ADAMTS18: variants seen among roughly 807,000 people sequenced by gnomAD.
ADAMTS18 encodes ADAM metallopeptidase with thrombospondin type 1 motif 18.
ADAMTS18 carries 157 observed loss-of-function variants against 165.9 expected under a neutral mutation model. That is an observed-to-expected ratio of 0.95 (90% CI 0.83 to 1.08). The LOEUF is 1.08. ADAMTS18 is among the 50% of genes least tolerant of loss of function. ADAMTS18 has a pLI of 0.00. For missense variants in ADAMTS18, 2,040 were observed against 1,534.0 expected (o/e 1.33, Z -5.51); for synonymous variants, 782 against 578.2 (o/e 1.35, Z -5.06).
chr16:77,362,675 T>C (rs993915598), intron 6 of ADAMTS18, among the ~76,000 whole-genome samples: 6 of 123,858 alleles, frequency 4.8e-5, no homozygotes, highest in African/African-American at 8.9e-5. Flanking sequence ...TGGCACATCA[T>C]AGATTACAAT....
chr16:77,368,019 G>A (rs1019167685), intron 3 of ADAMTS18, among the ~76,000 whole-genome samples: 3 of 152,126 alleles, frequency 2.0e-5, no homozygotes, highest in African/African-American at 7.2e-5. Context: ...TGAGACTACA[G>A]GCACGTGCTA....
At chr16:77,381,139 G>C (rs2057024275) in intron 3 of ADAMTS18, among the ~76,000 whole-genome samples, 1 of 152,154 alleles carries the variant, frequency 6.6e-6, no homozygotes, top group African/African-American at 2.4e-5. Context: ...CTCCAACAGA[G>C]CTGGGATTAG....
chr16:77,431,895 A>C (rs2057744935), intron 2 of ADAMTS18: 3 of 508,458 alleles, frequency 5.9e-6, no homozygotes, highest in Non-Finnish European at 1.1e-5. Flanking sequence ...GTCTGGAGAG[A>C]GATTTAGAAC....
At chr16:77,385,794 G>A (rs1180543374) in intron 3 of ADAMTS18, among the ~76,000 whole-genome samples, 2 of 152,118 alleles carry the variant, frequency 1.3e-5, no homozygotes, top group Non-Finnish European at 2.9e-5. Flanking sequence ...CACCATGTTG[G>A]AAACAGCTGG....
chr16:77,352,265 T>C (rs1210991564), intron 10 of ADAMTS18, among the ~76,000 whole-genome samples: 1 of 148,524 alleles, frequency 6.7e-6, no homozygotes, highest in African/African-American at 2.5e-5. Flanking sequence ...AGAAAAGCAA[T>C]AAATGAATAA....
At chr16:77,362,862 A>T (rs1006842199) in intron 6 of ADAMTS18, among the ~76,000 whole-genome samples, 2 of 152,220 alleles carry the variant, frequency 1.3e-5, no homozygotes, top group African/African-American at 4.8e-5. Flanking sequence ...TCAGTTAATT[A>T]GGATGTGGCT....
At chr16:77,337,740 G>A (rs902840240) in intron 11 of ADAMTS18, among the ~76,000 whole-genome samples, 1 of 152,118 alleles carries the variant, frequency 6.6e-6, no homozygotes, top group Non-Finnish European at 1.5e-5. Context: ...ACGTTAGGCT[G>A]CTATCACACT....
chr16:77,360,486 T>C lies in ADAMTS18; in HGVS notation c.1217-1063A>G, dbSNP rs190873725. Among the ~76,000 whole-genome samples, 173 of 151,236 alleles carry C rather than the reference T, an allele frequency of 1.1e-3. 1 individual carries two copies. Among genetic ancestry groups the C allele is most frequent in the African/African-American group, 3.9e-3 (160 of 40,550 alleles). On this transcript the variant is annotated intron_variant, in intron 7 of 22. Coordinates refer to ENST00000282849, the MANE Select transcript of ADAMTS18 (RefSeq NM_199355.4). The stretch of plus-strand genomic sequence containing the variant: ...AGTAAGTGACCTTTTCCACAGTTGA[T>C]AGAATTTCTGGTGTTTTGTTTTTTC...
At position 77,282,906 on chromosome 16, in the gene ADAMTS18, C is replaced by CTCTTTTTTTT. The variant is rs527534262; in HGVS notation, c.*1049_*1050insAAAAAAAAGA. ...CCACTGTTTACTCCTTTCTTTCTCT[C>CTCTTTTTTTT]TTTTTTTTTTTTTTTTTTTTGCTGT... On this transcript the variant is annotated 3_prime_UTR_variant, in exon 23 of 23. Transcript: ENST00000282849. 13 of 77,556 alleles carry CTCTTTTTTTT rather than the reference C, an allele frequency of 1.7e-4. No individual in the cohort carries two copies. Among genetic ancestry groups the CTCTTTTTTTT allele is most frequent in the Non-Finnish European group, 2.2e-4 (8 of 36,328 alleles). The allele number at this position is 77,556 out of a possible 1,614,324, so 4.8% of individuals were successfully genotyped here.
Position 77,319,837 on chromosome 16 carries a change from G to A in ADAMTS18, c.2532+12C>T, listed in dbSNP as rs777161505. ...AGAAGCACTGAGAACTGAATACACA[G>A]AAGGGGCTTACTTCAAAGACCAGCG... On this transcript the variant is annotated intron_variant, in intron 16 of 22. Transcript: ENST00000282849. 4 of 1,613,936 alleles carry A rather than the reference G, an allele frequency of 2.5e-6. No homozygotes were observed. The highest frequency in any genetic ancestry group is 3.4e-6 in the Non-Finnish European group (4 of 1,179,986).
chr16:77,312,261 A>G (rs988624747), intron 16 of ADAMTS18, among the ~76,000 whole-genome samples: 5 of 150,118 alleles, frequency 3.3e-5, no homozygotes, highest in Admixed American at 6.7e-5. Context: ...TTTGAGACGG[A>G]GTTTTGTTCT....
intron 22 of ADAMTS18, among the ~76,000 whole-genome samples, chr16:77,285,140 A>C (rs17712926): frequency 6.6e-6 from 1 of 151,124 alleles, no homozygotes; most frequent in Admixed American, 6.6e-5. Flanking sequence ...GTATGTAAAC[A>C]TAAGTGCATG....
chr16:77,363,841 G>C lies in ADAMTS18; in HGVS notation c.1017C>G (p.Asn339Lys). 5 of 1,613,926 alleles carry C rather than the reference G, an allele frequency of 3.1e-6. No individual in the cohort carries two copies. The highest frequency in any genetic ancestry group is 4.2e-6 in the Non-Finnish European group (5 of 1,179,976). ...FKDGTIGSDINVVVVSLILLE... is the reference protein window; with the variant it reads ...FKDGTIGSDIKVVVVSLILLE... ...GAAGAATTAGGCTCACCACAACCAC[G>C]TTTATGTCACTTCCAATAGTCCCAT... is the stretch of plus-strand genomic sequence containing the variant. The change falls in exon 6 of 23, where the codon AAC (asparagine) becomes AAG (lysine). Residue 339 changes from asparagine (N) to lysine (K), a missense_variant. Asn to Lys is a moderately conservative substitution (Grantham distance 94). Transcript: ENST00000282849.
chr16:77,378,807 A>T (rs955838353), intron 3 of ADAMTS18: 1 of 152,194 alleles, frequency 6.6e-6, no homozygotes, highest in South Asian at 2.1e-4. Context: ...CATTATGATT[A>T]TTACATTTGA....
intron 11 of ADAMTS18, 34 bp from the exon 12 acceptor site, chr16:77,335,938 G>A (rs747281317): frequency 1.2e-6 from 2 of 1,613,894 alleles, no homozygotes; most frequent in East Asian, 4.5e-5. Context: ...GTTCCCGTCA[G>A]AGACCACCTG....
At chr16:77,298,119 T>C (rs1258919147) in intron 17 of ADAMTS18, among the ~76,000 whole-genome samples, 1 of 151,802 alleles carries the variant, frequency 6.6e-6, no homozygotes, top group East Asian at 1.9e-4. Flanking sequence ...GAGACGGCCA[T>C]GTTAGTCAGG....
intron 9 of ADAMTS18, among the ~76,000 whole-genome samples, chr16:77,355,081 G>A (rs1358023857): frequency 6.6e-6 from 1 of 152,040 alleles, no homozygotes; most frequent in Non-Finnish European, 1.5e-5. Context: ...CAGTGGTACA[G>A]GTTAAAAATA....
intron 3 of ADAMTS18, chr16:77,378,860 A>C (rs1453582434): frequency 6.6e-6 from 1 of 152,206 alleles, no homozygotes; most frequent in Non-Finnish European, 1.5e-5. Context: ...GCCTTTTTCT[A>C]ACAGTGTGTT....
intron 3 of ADAMTS18, among the ~76,000 whole-genome samples, chr16:77,390,515 T>C (rs865894339): frequency 1.6e-4 from 25 of 151,946 alleles, no homozygotes; most frequent in Admixed American, 1.2e-3. Context: ...AATGGTGAAA[T>C]GCCGTCTCTA....
Sources: allele counts gnomAD v4.1 joint callset (sites outside exome capture counted in the v4.1 genomes callset), GRCh38; gene constraint gnomAD v4.1.1; transcripts MANE v1.5; gene names NCBI Gene and HGNC (gene_info 2026-07-23, HGNC 2026-07-21).